Variants in DEAF1 observed in about 807,000 individuals in gnomAD.
The protein encoded by DEAF1 is DEAF1 transcription factor.
A neutral mutation model predicts 58.9 loss-of-function variants in DEAF1; 53 were observed. The ratio of observed to expected loss-of-function variants is 0.90; its 90% CI spans 0.72 to 1.13. DEAF1 has a LOEUF of 1.13. DEAF1 is among the 50% of genes most tolerant of loss of function. The pLI is 0.00. For missense variants in DEAF1, 685 were observed against 791.4 expected (o/e 0.87, Z 1.61); for synonymous variants, 385 against 340.4 (o/e 1.13, Z -1.44).
At chr11:694,387 G>A (rs918865989) in intron 1 of DEAF1, 1 of 193,794 alleles carries the variant, frequency 5.2e-6, no homozygotes, top group Non-Finnish European at 1.1e-5. Context: ...GGCCGATCAC[G>A]TGGGGCAGGT....
intron 5 of DEAF1, 42 bp downstream of exon 5, chr11:686,816 T>C: frequency 1.2e-5 from 20 of 1,613,112 alleles, no homozygotes; most frequent in Non-Finnish European, 1.4e-5. Context: ...GGGCCCCACG[T>C]CTGAACTGTG....
intron 10 of DEAF1, among the ~76,000 whole-genome samples, chr11:673,429 G>A: frequency 6.6e-6 from 1 of 152,262 alleles, no homozygotes; most frequent in Non-Finnish European, 1.5e-5. Context: ...TTGGGAGGCT[G>A]AGGCACAAGA....
At chr11:668,486 C>T (rs1859656551) in intron 10 of DEAF1, among the ~76,000 whole-genome samples, 1 of 152,054 alleles carries the variant, frequency 6.6e-6, no homozygotes, top group South Asian at 2.1e-4. Context: ...GATCACAGCT[C>T]GCTGCAACCT....
chr11:660,817 A>G (rs902051162), intron 10 of DEAF1, among the ~76,000 whole-genome samples: 3 of 152,164 alleles, frequency 2.0e-5, no homozygotes, highest in African/African-American at 7.2e-5. Context: ...CAGAAACCCC[A>G]TACCTGGACT....
intron 10 of DEAF1, among the ~76,000 whole-genome samples, chr11:662,744 G>A (rs1182958235): frequency 6.6e-6 from 1 of 152,202 alleles, no homozygotes; most frequent in African/African-American, 2.4e-5. Flanking sequence ...TCCTGCCTGG[G>A]TGCTGTACCA....
At chr11:692,949 C>T (rs994589596) in intron 1 of DEAF1, among the ~76,000 whole-genome samples, 3 of 152,198 alleles carry the variant, frequency 2.0e-5, no homozygotes, top group Non-Finnish European at 4.4e-5. Context: ...CCACAAGCCC[C>T]GGCATGCGGC....
At chr11:648,642 C>T (rs879887696) in intron 11 of DEAF1, among the ~76,000 whole-genome samples, 17 of 152,062 alleles carry the variant, frequency 1.1e-4, no homozygotes, top group Admixed American at 1.1e-3. Context: ...TATATTGGGG[C>T]CCAAATAGTG....
Position 691,542 on chromosome 11 carries a change from T to C in DEAF1, c.346A>G (p.Thr116Ala). 6.2e-7 allele frequency: 1 copy of C among 1,613,706 alleles called. No individual in the cohort carries two copies. Among genetic ancestry groups the C allele is most frequent in the Non-Finnish European group, 8.5e-7 (1 of 1,180,002 alleles). ...ATGGATGCCGCGTTCGCCACAGACG[T>C]GGTGAAGACATTGTCTGCAGCAGCC... ...VGAAADNVFT[T>A]SVANAASISG... is the part of the protein sequence containing the mutation. The change falls in exon 2 of 12, where the codon ACG (threonine) becomes GCG (alanine). Residue 116 changes from threonine to alanine, a missense_variant. Coordinates refer to ENST00000382409, the MANE Select transcript of DEAF1 (RefSeq NM_021008.4).
At chr11:687,785 C>A in intron 4 of DEAF1, 126 bp downstream of exon 4, 2 of 1,318,326 alleles carry the variant, frequency 1.5e-6, no homozygotes, top group East Asian at 4.8e-5. Flanking sequence ...CATCAGCCAC[C>A]GCGCCCAGCC....
intron 1 of DEAF1, chr11:703,076 A>G (rs1354194851): frequency 5.6e-6 from 9 of 1,612,484 alleles, no homozygotes; most frequent in Non-Finnish European, 7.6e-6. Flanking sequence ...CTGGGCCCTC[A>G]GCGCCACGCT....
intron 1 of DEAF1, chr11:703,256 G>T: frequency 6.9e-7 from 1 of 1,455,126 alleles, no homozygotes; most frequent in South Asian, 1.5e-5. Context: ...TTTTCCTAGT[G>T]ACTGGCCATA....
intron 1 of DEAF1, among the ~76,000 whole-genome samples, chr11:692,629 G>A (rs183450996): frequency 0.019 from 2,885 of 152,166 alleles, 45 homozygotes; most frequent in Non-Finnish European, 0.031. Context: ...AAGGCGGGCG[G>A]ATCACCTGAG....
intron 10 of DEAF1, among the ~76,000 whole-genome samples, chr11:667,723 C>G (rs1036611446): frequency 1.3e-5 from 2 of 149,590 alleles, no homozygotes; most frequent in Admixed American, 1.3e-4. Context: ...GCAGGAGAAT[C>G]GCTTGAACCA....
chr11:675,614 G>T (rs1391484031), intron 9 of DEAF1, among the ~76,000 whole-genome samples: 1 of 152,196 alleles, frequency 6.6e-6, no homozygotes, highest in Non-Finnish European at 1.5e-5. Context: ...CTTGAGGTCA[G>T]GAGTTCGAGG....
chr11:688,584 T>A lies in DEAF1; in HGVS notation c.388-124A>T. On this transcript the variant is annotated intron_variant, in intron 2 of 11. Transcript: ENST00000382409. This position sits in a 1 kb window ranked among gnomAD's most constrained non-coding sequence, Gnocchi z 4.3. Reference sequence around the variant, plus strand: ...TTCTCACCAAGAAGGGACGCTCACCTAGGCACCCCATATCTTTTCCAAAGA... The same window carrying A: ...TTCTCACCAAGAAGGGACGCTCACCAAGGCACCCCATATCTTTTCCAAAGA... The A allele has an allele frequency of 8.8e-7, 1 of 1,141,520 alleles. No homozygotes were observed. The highest frequency in any genetic ancestry group is 1.3e-6 in the Non-Finnish European group (1 of 769,754). The allele number at this position is 1,141,520 out of a possible 1,614,324, so 70.7% of individuals were successfully genotyped here.
chr11:695,520 G>A, upstream of DEAF1: 1 of 1,030,668 alleles, frequency 9.7e-7, no homozygotes. Context: ...AGAGAGCTTA[G>A]TGCCGCGGGT....
upstream of DEAF1, chr11:695,862 G>T (rs1442508482): frequency 4.9e-6 from 6 of 1,228,256 alleles, no homozygotes; most frequent in East Asian, 3.2e-5. Context: ...CTCGGGCGGG[G>T]TGGGGGCTTC....
At chr11:700,094 G>A, upstream of DEAF1, 2 of 1,543,886 alleles carry the variant, frequency 1.3e-6, no homozygotes, top group Non-Finnish European at 1.8e-6. Context: ...CCACCTGGGA[G>A]GCTGCTCCCA....
intron 10 of DEAF1, among the ~76,000 whole-genome samples, chr11:661,541 G>A (rs556896398): frequency 5.9e-5 from 9 of 151,540 alleles, no homozygotes; most frequent in South Asian, 4.2e-4. Context: ...GAAATACCGC[G>A]TCTACTAAAA....
Sources: gnomAD v4.1 joint callset for allele counts (sites outside exome capture counted in the v4.1 genomes callset) on GRCh38, gnomAD v4.1.1 for gene constraint, Gnocchi (gnomAD v3.1) non-coding constraint, MANE v1.5 for transcripts, NCBI Gene and HGNC (gene_info 2026-07-23, HGNC 2026-07-21) for gene names.